The following DMXL2 variants were observed in gnomAD, a reference collection of about 807,000 sequenced individuals.
DMXL2 encodes dmX-like protein 2.
In DMXL2, 103 loss-of-function variants were observed where a neutral mutation model predicts 331.1. The observed-to-expected ratio is 0.31, with a 90% confidence interval of 0.27 to 0.37. The LOEUF (loss-of-function observed/expected upper bound fraction) is 0.37, where lower values mean the gene tolerates loss of function less well. Ranked by LOEUF, DMXL2 falls within the 10% of genes least tolerant of loss-of-function variation. DMXL2 has a pLI of 1.00. For synonymous variants in DMXL2, 1,281 were observed against 1,252.1 expected (o/e 1.02, Z -0.49); for missense variants, 3,171 against 3,642.9 (o/e 0.87, Z 3.33).
chr15:51,602,394 G>A (rs563780329), intron 1 of DMXL2, among the ~76,000 whole-genome samples: 1 of 152,116 alleles, frequency 6.6e-6, no homozygotes, highest in Non-Finnish European at 1.5e-5. Context: ...TCTACTCTGA[G>A]GTGCCATGAC....
intron 1 of DMXL2, among the ~76,000 whole-genome samples, chr15:51,597,785 A>G (rs1433565711): frequency 6.6e-6 from 1 of 152,234 alleles, no homozygotes; most frequent in African/African-American, 2.4e-5. Context: ...ATCACTGGAC[A>G]TCCTTGCCAT....
At chr15:51,593,390 T>C (rs1167155105) in intron 1 of DMXL2, among the ~76,000 whole-genome samples, 1 of 152,200 alleles carries the variant, frequency 6.6e-6, no homozygotes, top group African/African-American at 2.4e-5. Context: ...ATGCACCTAA[T>C]ACAGGAACAC....
chr15:51,564,053 T>C, intron 5 of DMXL2, 72 bp downstream of exon 5: 2 of 1,481,160 alleles, frequency 1.4e-6, no homozygotes, highest in Non-Finnish European at 1.8e-6. Context: ...TAAAGATCTT[T>C]GTGAAAGGAA....
At chr15:51,479,281 A>G (rs2041831856) in intron 25 of DMXL2, among the ~76,000 whole-genome samples, 1 of 152,212 alleles carries the variant, frequency 6.6e-6, no homozygotes, top group Admixed American at 6.5e-5. Context: ...AAAAATAAGA[A>G]AACAGGGGAC....
chr15:51,535,901 ATAAT>A (rs2048261220), intron 12 of DMXL2, 117 bp from the exon 13 acceptor site: 2 of 1,186,030 alleles, frequency 1.7e-6, no homozygotes, highest in African/African-American at 1.6e-5. Flanking sequence ...GTCTAGAATC[ATAAT>A]TAAACAGGCA....
chr15:51,541,443 G>A (rs1301284416), intron 9 of DMXL2, among the ~76,000 whole-genome samples: 2 of 152,026 alleles, frequency 1.3e-5, no homozygotes, highest in African/African-American at 4.8e-5. Context: ...AATTCAGTGT[G>A]TATTTTACAG....
chr15:51,620,063 T>A (rs938431523), intron 1 of DMXL2, among the ~76,000 whole-genome samples: 1 of 152,112 alleles, frequency 6.6e-6, no homozygotes, highest in African/African-American at 2.4e-5. Flanking sequence ...TACTTTATTT[T>A]ATTTTACTAT....
At position 51,480,693 on chromosome 15, in the gene DMXL2, C is replaced by G. The variant is rs763931958; in HGVS notation, c.6413G>C (p.Arg2138Pro). The G allele has an allele frequency of 6.2e-7, 1 of 1,612,184 alleles. No homozygotes were observed. The highest frequency in any genetic ancestry group is 8.5e-7 in the Non-Finnish European group (1 of 1,178,654). ...QIERRRLQAKREHAERRKSWL... is the reference protein window; with the variant it reads ...QIERRRLQAKPEHAERRKSWL... ...CGACTTTCGTCTTTCTGCATGCTCTCGTTTGGCCTGCAATCTTCTTCTTTC... is the reference window on the plus strand; with the variant it reads ...CGACTTTCGTCTTTCTGCATGCTCTGGTTTGGCCTGCAATCTTCTTCTTTC... The change falls in exon 24 of 44, where the codon CGA becomes CCA. Residue 2138 changes from arginine to proline, a missense_variant. This residue lies in a region of DMXL2 where 197 missense variants were observed against 196.2 expected (regional missense o/e 1.00). Transcript: ENST00000560891.
chr15:51,533,993 G>T (rs910659302), intron 13 of DMXL2, among the ~76,000 whole-genome samples: 2 of 152,134 alleles, frequency 1.3e-5, no homozygotes, highest in Non-Finnish European at 2.9e-5. Context: ...TGCTTAGCAA[G>T]ATGAAATGTA....
intron 1 of DMXL2, among the ~76,000 whole-genome samples, chr15:51,589,287 A>G (rs966204517): frequency 2.0e-5 from 3 of 152,252 alleles, no homozygotes; most frequent in African/African-American, 7.2e-5. Flanking sequence ...AATAGATCAG[A>G]TGCCCAAAGA....
At position 51,535,648 on chromosome 15, in the gene DMXL2, T is replaced by C. The variant is rs561247042; in HGVS notation, c.2436+15A>G. The stretch of plus-strand genomic sequence containing the variant: ...ATCTCCTTAGATAAATTAATAAAGA[T>C]TATTAAATACTTACTGAAGATTCTG... On this transcript the variant is annotated intron_variant, in intron 13 of 43. Coordinates refer to ENST00000560891, the MANE Select transcript of DMXL2 (RefSeq NM_001378457.1). 6.3e-7 allele frequency: 1 copy of C among 1,575,094 alleles called. No individual in the cohort carries two copies. Among genetic ancestry groups the C allele is most frequent in the Non-Finnish European group, 8.6e-7 (1 of 1,164,510 alleles).
intron 1 of DMXL2, among the ~76,000 whole-genome samples, chr15:51,598,159 CCTTTA>C (rs374993831): frequency 1.3e-5 from 2 of 152,104 alleles, no homozygotes; most frequent in African/African-American, 4.8e-5. Flanking sequence ...TACAGTACTT[CCTTTA>C]CTTTTAGTTT....
chr15:51,613,426 T>C (rs1220205543), intron 1 of DMXL2, among the ~76,000 whole-genome samples: 1 of 152,228 alleles, frequency 6.6e-6, no homozygotes, highest in Non-Finnish European at 1.5e-5. Context: ...TTTAGGGTCC[T>C]TGACTTCCTG....
intron 6 of DMXL2, among the ~76,000 whole-genome samples, chr15:51,555,983 A>C (rs2049540129): frequency 6.6e-6 from 1 of 152,212 alleles, no homozygotes; most frequent in South Asian, 2.1e-4. Context: ...AAATCTGTCA[A>C]GGACATTATG....
At chr15:51,488,753 G>A in intron 20 of DMXL2, 108 bp from the exon 21 acceptor site, 1 of 951,006 alleles carries the variant, frequency 1.1e-6, no homozygotes, top group East Asian at 2.7e-5. Context: ...AAACTGTGGA[G>A]ACAGAAAAAG....
In DMXL2 at chr15:51,474,478, G is replaced by T; in HGVS notation, c.7079C>A (p.Ala2360Asp). The change falls in exon 28 of 44, where the codon GCT becomes GAT. Residue 2360 changes from alanine to aspartate, a missense_variant. Ala to Asp is a moderately radical substitution (Grantham distance 126). Transcript: ENST00000560891. ...VAVYLSLLIH[A>D]LATNSSSELF... ...TTCACTGGAGGAATTTGTGGCAAGA[G>T]CATGTATCAATAAACTTAAGTAAAC... The T allele has an allele frequency of 6.2e-7, 1 of 1,614,134 alleles. No homozygotes were observed. The highest frequency in any genetic ancestry group is 8.5e-7 in the Non-Finnish European group (1 of 1,180,002).
At chr15:51,492,887 CTATA>C (rs1296651265) in intron 19 of DMXL2, among the ~76,000 whole-genome samples, 5 of 152,150 alleles carry the variant, frequency 3.3e-5, no homozygotes, top group Admixed American at 3.3e-4. Flanking sequence ...TTTTCAACTA[CTATA>C]TAGATTTTGT....
At chr15:51,593,882 G>C (rs1217719914) in intron 1 of DMXL2, among the ~76,000 whole-genome samples, 1 of 152,086 alleles carries the variant, frequency 6.6e-6, no homozygotes, top group Admixed American at 6.6e-5. Flanking sequence ...ACAAAGACAT[G>C]ACATACCAGA....
At chr15:51,519,224 C>T (rs1232048132) in intron 13 of DMXL2, among the ~76,000 whole-genome samples, 2 of 151,900 alleles carry the variant, frequency 1.3e-5, no homozygotes, top group South Asian at 2.1e-4. Context: ...TCAAGTGGTC[C>T]TCCTATCTCA....
Sources: gnomAD v4.1 joint callset for allele counts (sites outside exome capture counted in the v4.1 genomes callset) on GRCh38, gnomAD v4.1.1 for gene constraint, gnomAD v4.1.1 regional missense constraint, MANE v1.5 for transcripts, NCBI Gene and HGNC (gene_info 2026-07-23, HGNC 2026-07-21) for gene names.